The following KCNIP4 variants were observed in gnomAD, a reference collection of about 807,000 sequenced individuals.
KCNIP4 encodes the protein Kv channel-interacting protein 4.
KCNIP4 carries 12 observed loss-of-function variants against 34.0 expected under a neutral mutation model. The ratio of observed to expected loss-of-function variants is 0.35; its 90% CI spans 0.23 to 0.57. The LOEUF (loss-of-function observed/expected upper bound fraction) is 0.57. Ranked by LOEUF, KCNIP4 falls within the 20% of genes least tolerant of loss-of-function variation. The pLI, the probability that KCNIP4 is intolerant of heterozygous loss-of-function variation, is 0.83. For missense variants in KCNIP4, 238 were observed against 311.7 expected (o/e 0.76, Z 1.78); for synonymous variants, 124 against 102.2 (o/e 1.21, Z -1.29).
chr4:21,193,159 T>G (rs933407115), intron 1 of KCNIP4, among the ~76,000 whole-genome samples: 11 of 151,444 alleles, frequency 7.3e-5, no homozygotes, highest in Non-Finnish European at 1.5e-4. Flanking sequence ...AGAGTAATAA[T>G]GAAGACTCAT....
chr4:21,862,659 A>G (rs904946342), intron 1 of KCNIP4, among the ~76,000 whole-genome samples: 6 of 152,274 alleles, frequency 3.9e-5, no homozygotes, highest in African/African-American at 1.4e-4. Context: ...TTCAATAAAT[A>G]TTTGTTAAAT....
At chr4:21,362,209 T>C (rs996108319) in intron 1 of KCNIP4, among the ~76,000 whole-genome samples, 2 of 152,182 alleles carry the variant, frequency 1.3e-5, no homozygotes, top group African/African-American at 4.8e-5. Context: ...AACAGTTTCA[T>C]AATGAAGCTA....
At chr4:21,608,004 T>C (rs528834553) in intron 1 of KCNIP4, among the ~76,000 whole-genome samples, 1 of 152,308 alleles carries the variant, frequency 6.6e-6, no homozygotes, top group East Asian at 1.9e-4. Context: ...TTCCAGGTTC[T>C]AATTCAGGCC....
chr4:21,260,109 G>A (rs879838955), intron 1 of KCNIP4, among the ~76,000 whole-genome samples: 6 of 152,134 alleles, frequency 3.9e-5, no homozygotes, highest in African/African-American at 7.2e-5. Flanking sequence ...CAGGAATTTA[G>A]TTCTGAGAGT....
intron 3 of KCNIP4, among the ~76,000 whole-genome samples, chr4:20,792,527 G>A (rs958863101): frequency 2.0e-5 from 3 of 151,820 alleles, no homozygotes; most frequent in Non-Finnish European, 4.4e-5. Flanking sequence ...AAAAGCAAGA[G>A]CTAATTATAT....
At chr4:21,581,471 A>G (rs1421548586) in intron 1 of KCNIP4, among the ~76,000 whole-genome samples, 1 of 151,982 alleles carries the variant, frequency 6.6e-6, no homozygotes, top group Non-Finnish European at 1.5e-5. Context: ...GAGTTTGGCT[A>G]CAGTCATGCA....
intron 3 of KCNIP4, among the ~76,000 whole-genome samples, chr4:20,824,156 G>A (rs1717431544): frequency 6.6e-6 from 1 of 152,174 alleles, no homozygotes; most frequent in South Asian, 2.1e-4. Flanking sequence ...TTTATGTGAT[G>A]TGCCTAAGTG....
chr4:21,614,979 C>G (rs12648787), intron 1 of KCNIP4, among the ~76,000 whole-genome samples: 47,462 of 151,906 alleles, frequency 0.31, 7,897 homozygotes, highest in East Asian at 0.62. Context: ...TAGAGCACAC[C>G]TATTTCTGGA....
intron 1 of KCNIP4, among the ~76,000 whole-genome samples, chr4:21,098,101 C>A (rs73802481): frequency 6.6e-6 from 1 of 152,002 alleles, no homozygotes; most frequent in Non-Finnish European, 1.5e-5. Context: ...AAGTCAAATC[C>A]AGAATAAAGT....
At chr4:21,409,200 G>C (rs1219532272) in intron 1 of KCNIP4, among the ~76,000 whole-genome samples, 1 of 150,906 alleles carries the variant, frequency 6.6e-6, no homozygotes, top group African/African-American at 2.4e-5. Flanking sequence ...TCGACCTCCT[G>C]GGCTCAAGCC....
intron 1 of KCNIP4, among the ~76,000 whole-genome samples, chr4:21,168,208 G>A (rs10033700): frequency 0.56 from 85,852 of 151,986 alleles, 25,275 homozygotes; most frequent in African/African-American, 0.73. Flanking sequence ...GCTTTTAATC[G>A]TTGCCTTTAC....
At chr4:21,555,986 T>A (rs1001917325) in intron 1 of KCNIP4, among the ~76,000 whole-genome samples, 2 of 152,134 alleles carry the variant, frequency 1.3e-5, no homozygotes, top group Non-Finnish European at 2.9e-5. Context: ...CCTGGAATGA[T>A]TTTAGATCCT....
chr4:21,894,673 C>T (rs1458885337), intron 1 of KCNIP4, among the ~76,000 whole-genome samples: 2 of 152,180 alleles, frequency 1.3e-5, no homozygotes, highest in Non-Finnish European at 2.9e-5. Context: ...GTTATTTTAT[C>T]ACTTATAAAT....
At chr4:21,497,337 G>T (rs775395989) in intron 1 of KCNIP4, among the ~76,000 whole-genome samples, 10 of 152,080 alleles carry the variant, frequency 6.6e-5, no homozygotes, top group Admixed American at 4.6e-4. Context: ...TTGCCCCTCT[G>T]TTATTTCTTA....
At chr4:21,555,386 G>A (rs992090427) in intron 1 of KCNIP4, among the ~76,000 whole-genome samples, 2 of 152,150 alleles carry the variant, frequency 1.3e-5, no homozygotes, top group Non-Finnish European at 2.9e-5. Flanking sequence ...AGTGAAAAGA[G>A]TCTGCTTTGC....
intron 1 of KCNIP4, among the ~76,000 whole-genome samples, chr4:21,558,699 A>C (rs1560515738): frequency 6.6e-6 from 1 of 152,152 alleles, no homozygotes; most frequent in Admixed American, 6.6e-5. Flanking sequence ...TACAATGATC[A>C]AAGTGATGAT....
chr4:21,060,483 T>C (rs1461171977), intron 1 of KCNIP4, among the ~76,000 whole-genome samples: 2 of 152,190 alleles, frequency 1.3e-5, no homozygotes, highest in Non-Finnish European at 2.9e-5. Context: ...ATTCCTCAGT[T>C]AAAGGGAATG....
At chr4:21,282,375 G>A (rs1428891009) in intron 1 of KCNIP4, among the ~76,000 whole-genome samples, 1 of 151,832 alleles carries the variant, frequency 6.6e-6, no homozygotes, top group Non-Finnish European at 1.5e-5. Context: ...TATTAGTTCT[G>A]AGTTCAGGAC....
chr4:21,084,338 C>A, intron 1 of KCNIP4, among the ~76,000 whole-genome samples: 1 of 151,880 alleles, frequency 6.6e-6, no homozygotes, highest in East Asian at 1.9e-4. Context: ...TGAATTGATA[C>A]AAACACTTGA....
Sources: gnomAD v4.1 joint callset for allele counts (sites outside exome capture counted in the v4.1 genomes callset) on GRCh38, gnomAD v4.1.1 for gene constraint, MANE v1.5 for transcripts, NCBI Gene and HGNC (gene_info 2026-07-23, HGNC 2026-07-21) for gene names.